AGPAT4: variants seen among roughly 807,000 people sequenced by gnomAD.
AGPAT4 encodes the protein 1-acylglycerol-3-phosphate O-acyltransferase 4, also known as 1-acyl-sn-glycerol-3-phosphate acyltransferase delta.
A neutral mutation model predicts 48.0 loss-of-function variants in AGPAT4; 15 were observed. The ratio of observed to expected loss-of-function variants is 0.31; its 90% CI spans 0.21 to 0.48. AGPAT4 has a LOEUF of 0.48. AGPAT4 is among the 20% of genes least tolerant of loss of function. AGPAT4 has a pLI of 0.99. For synonymous variants in AGPAT4, 178 were observed against 198.7 expected (o/e 0.90, Z 0.88); for missense variants, 314 against 482.5 (o/e 0.65, Z 3.27).
rs1477146003 is a variant in AGPAT4 at position 161,171,061 on chromosome 6, T to A, written c.179-4644A>T. Among the ~76,000 whole-genome samples the A allele has an allele frequency of 6.6e-6, 1 of 152,180 alleles. No homozygotes were observed. Among genetic ancestry groups the A allele is most frequent in the Non-Finnish European group, 1.5e-5 (1 of 68,032 alleles). On this transcript the variant is annotated intron_variant, in intron 2 of 8. Transcript: ENST00000320285. This position sits in a 1 kb window ranked among gnomAD's most constrained non-coding sequence, Gnocchi z 4.4. ...AAGTTACCAGTGGGCACCTGAGCAA[T>A]CCATCCCGACCAGAAGCTATCAGCA...
chr6:161,185,222 T>G (rs1398915907), intron 2 of AGPAT4, among the ~76,000 whole-genome samples: 1 of 151,280 alleles, frequency 6.6e-6, no homozygotes, highest in Non-Finnish European at 1.5e-5. Flanking sequence ...TACATTATAT[T>G]AAGAATGCCA....
chr6:161,182,972 G>A (rs1185909985), intron 2 of AGPAT4, among the ~76,000 whole-genome samples: 2 of 152,176 alleles, frequency 1.3e-5, no homozygotes, highest in Non-Finnish European at 2.9e-5. Flanking sequence ...GCTTGAGTGA[G>A]GATAACAAGA....
chr6:161,271,508 C>T (rs1582926940), intron 1 of AGPAT4, among the ~76,000 whole-genome samples: 2 of 152,184 alleles, frequency 1.3e-5, no homozygotes, highest in Admixed American at 1.3e-4. Context: ...ACAGTAAAAT[C>T]CCAATAAAAT....
rs149224476 is a variant in AGPAT4, at chr6:161,212,828, A to G, written c.178+19208T>C. 3.3e-5 allele frequency among the ~76,000 whole-genome samples: 5 copies of G among 152,356 alleles called. No individual in the cohort carries two copies. The highest frequency in any genetic ancestry group is 7.3e-5 in the Non-Finnish European group (5 of 68,040). ...AACTCTAACAGGTGTTCTTAAATGC[A>G]GGTTTCTGATAACTAACTTATAACA... On this transcript the variant is annotated intron_variant, in intron 2 of 8. Transcript: ENST00000320285. The surrounding 1 kb of genome is among the most constrained non-coding windows in gnomAD (Gnocchi z 6.1).
At chr6:161,237,175 C>T (rs1345324504) in intron 1 of AGPAT4, among the ~76,000 whole-genome samples, 1 of 152,202 alleles carries the variant, frequency 6.6e-6, no homozygotes, top group African/African-American at 2.4e-5. Flanking sequence ...AAGCAGTTGT[C>T]ACTAGGAATC....
In AGPAT4 at chr6:161,139,742, G is replaced by A; in HGVS notation, c.844-122C>T. 2 of 801,892 alleles carry A rather than the reference G, an allele frequency of 2.5e-6. No individual in the cohort carries two copies. The highest frequency in any genetic ancestry group is 3.6e-5 in the South Asian group (2 of 56,124). 49.7% of individuals were successfully genotyped at this position (801,892 alleles called of 1,614,324 possible). On this transcript the variant is annotated intron_variant, in intron 7 of 8. Transcript: ENST00000320285. This position sits in a 1 kb window ranked among gnomAD's most constrained non-coding sequence, Gnocchi z 9.1. ...GGTGCCACCGGGGCTCGGCAGAACT[G>A]GGGTCTGCAGCTCCTTCCAGAAAGC...
chr6:161,153,534 C>A, intron 4 of AGPAT4, 35 bp from the exon 5 acceptor site: 1 of 1,607,698 alleles, frequency 6.2e-7, no homozygotes. Context: ...CACGCAGCCT[C>A]GGGGTCACAC....
rs74377270 is a variant in AGPAT4, at chr6:161,150,934, G to A, written c.665-1645C>T. On this transcript the variant is annotated intron_variant, in intron 5 of 8. Coordinates refer to ENST00000320285, the MANE Select transcript of AGPAT4 (RefSeq NM_020133.3). ...TCCTTTCCTCCAACCTGTTCACACA[G>A]GGACCCATGCAGACAACAGAAGAGG... Among the ~76,000 whole-genome samples the A allele has an allele frequency of 8.0e-3, 1,226 of 152,302 alleles. 13 individuals carry two copies. Among genetic ancestry groups the A allele is most frequent in the African/African-American group, 0.028 (1,165 of 41,568 alleles).
In AGPAT4 at chr6:161,249,932, A is replaced by G. The variant is rs1320591478; in HGVS notation, c.-89-17630T>C. ...TGCAGCTATTCACAATAGCAAAGACATGAAATCAACCTCAATGCCCATCAA... is the reference window on the plus strand; with the variant it reads ...TGCAGCTATTCACAATAGCAAAGACGTGAAATCAACCTCAATGCCCATCAA... On this transcript the variant is annotated intron_variant, in intron 1 of 8. Transcript: ENST00000320285. The surrounding 1 kb of genome is among the most constrained non-coding windows in gnomAD (Gnocchi z 6.2). 1.3e-5 allele frequency among the ~76,000 whole-genome samples: 2 copies of G among 152,260 alleles called. No homozygotes were observed. Among genetic ancestry groups the G allele is most frequent in the Admixed American group, 6.5e-5 (1 of 15,290 alleles).
chr6:161,160,226 T>C (rs1779889538), intron 3 of AGPAT4: 2 of 149,694 alleles, frequency 1.3e-5, no homozygotes, highest in Admixed American at 6.9e-5. Flanking sequence ...CCTCCCAAAG[T>C]GCTGGGATTA....
At chr6:161,207,272 C>T (rs772876251) in intron 2 of AGPAT4, among the ~76,000 whole-genome samples, 1 of 152,204 alleles carries the variant, frequency 6.6e-6, no homozygotes, top group Non-Finnish European at 1.5e-5. Context: ...GAGCTCCTCT[C>T]GCTCCTAAAT....
At chr6:161,260,187 C>T (rs1240418269) in intron 1 of AGPAT4, among the ~76,000 whole-genome samples, 1 of 152,154 alleles carries the variant, frequency 6.6e-6, no homozygotes, top group Non-Finnish European at 1.5e-5. Context: ...CCTCTTAGCC[C>T]TTTCCATAGG....
At chr6:161,205,021 C>A (rs1339379234) in intron 2 of AGPAT4, among the ~76,000 whole-genome samples, 1 of 152,194 alleles carries the variant, frequency 6.6e-6, no homozygotes, top group Non-Finnish European at 1.5e-5. Flanking sequence ...CTCAGCCTCA[C>A]CACTGGGGAC....
rs1780059866 is a variant in AGPAT4, at chr6:161,165,221, A to G, written c.348+1027T>C. On this transcript the variant is annotated intron_variant, in intron 3 of 8. Transcript: ENST00000320285. The surrounding 1 kb of genome is among the most constrained non-coding windows in gnomAD (Gnocchi z 5.5). ...TAGAAATATATTTGCACACACACACACGTGTACACACAAGAAGATATCAAG... is the reference window on the plus strand; with the variant it reads ...TAGAAATATATTTGCACACACACACGCGTGTACACACAAGAAGATATCAAG... 6.6e-6 allele frequency among the ~76,000 whole-genome samples: 1 copy of G among 152,198 alleles called. No homozygotes were observed. Among genetic ancestry groups the G allele is most frequent in the African/African-American group, 2.4e-5 (1 of 41,448 alleles).
At chr6:161,224,654 A>AG (rs1419707979) in intron 2 of AGPAT4, among the ~76,000 whole-genome samples, 1 of 151,368 alleles carries the variant, frequency 6.6e-6, no homozygotes, top group Non-Finnish European at 1.5e-5. Context: ...AAAAAAAAAA[A>AG]AAAAAAGAAA....
Position 161,136,575 on chromosome 6 carries a change from C to G in AGPAT4, c.1102G>C (p.Gly368Arg), listed in dbSNP as rs778743155. 6.8e-6 allele frequency: 11 copies of G among 1,614,164 alleles called. No individual in the cohort carries two copies. Among genetic ancestry groups the G allele is most frequent in the Non-Finnish European group, 7.6e-6 (9 of 1,180,034 alleles). The change falls in exon 9 of 9, where the codon GGC becomes CGC. Residue 368 changes from glycine to arginine, a missense_variant. By Grantham distance (125) the Gly-to-Arg change is moderately radical. Coordinates refer to ENST00000320285, the MANE Select transcript of AGPAT4 (RefSeq NM_020133.3). ...VTEIDKGSAY[G>R]NSDSKQKLND ...AGTTTCTGCTTGCTGTCAGAGTTGC[C>G]GTAGGCAGAGCCCTTGTCAATTTCC...
rs1782743997 is a variant in AGPAT4 at position 161,249,309 on chromosome 6, A to G, written c.-89-17007T>C. ...GCAATTGCAACAAAAGCAAAAATTG[A>G]CAAATGGGATGTAATTAAACTAAAG... On this transcript the variant is annotated intron_variant, in intron 1 of 8. Transcript: ENST00000320285. This position sits in a 1 kb window ranked among gnomAD's most constrained non-coding sequence, Gnocchi z 6.2. 1.3e-5 allele frequency among the ~76,000 whole-genome samples: 2 copies of G among 152,232 alleles called. No homozygotes were observed.
Position 161,216,165 on chromosome 6 carries a change from T to G in AGPAT4, c.178+15871A>C, listed in dbSNP as rs543238619. Among the ~76,000 whole-genome samples the G allele has an allele frequency of 4.3e-4, 65 of 152,368 alleles. No individual in the cohort carries two copies. The highest frequency in any genetic ancestry group is 1.5e-3 in the African/African-American group (63 of 41,588). On this transcript the variant is annotated intron_variant, in intron 2 of 8. Transcript: ENST00000320285. This position sits in a 1 kb window ranked among gnomAD's most constrained non-coding sequence, Gnocchi z 4.8. Reference sequence around the variant, plus strand: ...AGTCTGACAAAGGAGACTAACACTCTTAGACACAAATACAAGTTGGAGATG... The same window carrying G: ...AGTCTGACAAAGGAGACTAACACTCGTAGACACAAATACAAGTTGGAGATG...
chr6:161,218,585 C>T lies in AGPAT4; in HGVS notation c.178+13451G>A, dbSNP rs1781719687. 6.6e-6 allele frequency among the ~76,000 whole-genome samples: 1 copy of T among 152,220 alleles called. No individual in the cohort carries two copies. Among genetic ancestry groups the T allele is most frequent in the Admixed American group, 6.5e-5 (1 of 15,288 alleles). ...GTTCAGAAGCCAAGACTCCAGGCTC[C>T]AAGTGCGTGTTACCATAACACCGGG... On this transcript the variant is annotated intron_variant, in intron 2 of 8. Transcript: ENST00000320285. This position sits in a 1 kb window ranked among gnomAD's most constrained non-coding sequence, Gnocchi z 4.7.
Sources: allele counts gnomAD v4.1 joint callset (sites outside exome capture counted in the v4.1 genomes callset), GRCh38; gene constraint gnomAD v4.1.1; non-coding constraint Gnocchi (gnomAD v3.1); transcripts MANE v1.5; gene names NCBI Gene and HGNC (gene_info 2026-07-23, HGNC 2026-07-21).